The following PDE4D variants were observed in gnomAD, a reference collection of about 807,000 sequenced individuals.
PDE4D encodes 3',5'-cyclic-AMP phosphodiesterase 4D.
A neutral mutation model predicts 87.4 loss-of-function variants in PDE4D; 24 were observed. That is an observed-to-expected ratio of 0.27 (90% CI 0.20 to 0.39). PDE4D has a LOEUF of 0.39. Ranked by LOEUF, PDE4D falls within the 10% of genes least tolerant of loss-of-function variation. PDE4D has a pLI of 1.00. For missense variants in PDE4D, 714 were observed against 1,041.0 expected, an observed-to-expected ratio of 0.69 and a Z score of 4.32; for synonymous variants, 384 against 383.2, an observed-to-expected ratio of 1.00 and a Z score of -0.02.
chr5:59,867,008 A>G (rs1193698441), intron 1 of PDE4D, among the ~76,000 whole-genome samples: 1 of 152,214 alleles, frequency 6.6e-6, no homozygotes, highest in Non-Finnish European at 1.5e-5. Flanking sequence ...ATGAATTTAT[A>G]AAGTAGAAAG....
chr5:60,507,931 A>T (rs1452752257), intron 1 of PDE4D, among the ~76,000 whole-genome samples: 1 of 152,196 alleles, frequency 6.6e-6, no homozygotes, highest in African/African-American at 2.4e-5. Context: ...TTTCTGGAAC[A>T]TGAGCTCATT....
chr5:59,829,414 C>T (rs974232615), intron 1 of PDE4D, among the ~76,000 whole-genome samples: 2 of 151,660 alleles, frequency 1.3e-5, no homozygotes, highest in Non-Finnish European at 2.9e-5. Flanking sequence ...GAATTACTTC[C>T]TTACTCTCTT....
intron 1 of PDE4D, among the ~76,000 whole-genome samples, chr5:59,674,346 C>A (rs182736701): frequency 2.7e-4 from 41 of 152,294 alleles, no homozygotes; most frequent in Admixed American, 5.9e-4. Flanking sequence ...TCTGATGCAT[C>A]TTTTCATCTC....
intron 5 of PDE4D, among the ~76,000 whole-genome samples, chr5:59,094,563 A>G (rs1485976876): frequency 6.6e-6 from 1 of 152,120 alleles, no homozygotes; most frequent in Non-Finnish European, 1.5e-5. Flanking sequence ...GCAATGGATA[A>G]AAATGCAGAC....
rs1468454125 is a variant in PDE4D, at chr5:60,105,182, T to C, written c.42+80375A>G. Among the ~76,000 whole-genome samples, 2 of 152,162 alleles carry C rather than the reference T, an allele frequency of 1.3e-5. 1 individual carries two copies. Among genetic ancestry groups the C allele is most frequent in the Non-Finnish European group, 2.9e-5 (2 of 68,040 alleles). On this transcript the variant is annotated intron_variant, in intron 2 of 16. Transcript: ENST00000502484. ...AAGTCCTTAAAGGAGCTGATGGAGC[T>C]GAAAGCCAAGGCTTGAGAACTACGT... is the stretch of plus-strand genomic sequence containing the variant.
chr5:59,963,292 C>A (rs1199121319), intron 3 of PDE4D, among the ~76,000 whole-genome samples: 6 of 152,148 alleles, frequency 3.9e-5, no homozygotes. Flanking sequence ...TTTCCCTTTT[C>A]TTTCAGTAAC....
At chr5:60,053,786 T>G (rs1454794487) in intron 2 of PDE4D, among the ~76,000 whole-genome samples, 19 of 152,090 alleles carry the variant, frequency 1.2e-4, no homozygotes. Flanking sequence ...CATCTATCCA[T>G]CTGACAAAGG....
At chr5:60,479,746 C>A (rs369505318) in intron 1 of PDE4D, among the ~76,000 whole-genome samples, 1 of 152,134 alleles carries the variant, frequency 6.6e-6, no homozygotes, top group South Asian at 2.1e-4. Flanking sequence ...TACAATAAAA[C>A]TTTATTTACA....
At chr5:60,221,824 T>C (rs924901373) in intron 1 of PDE4D, among the ~76,000 whole-genome samples, 2 of 152,174 alleles carry the variant, frequency 1.3e-5, no homozygotes, top group Non-Finnish European at 2.9e-5. Context: ...GTGAATATAC[T>C]ACAGTTTGTT....
At chr5:60,474,291 T>C (rs1474982840) in intron 1 of PDE4D, among the ~76,000 whole-genome samples, 1 of 151,510 alleles carries the variant, frequency 6.6e-6, no homozygotes, top group African/African-American at 2.4e-5. Context: ...ACCTTCTATG[T>C]GTCCTCACAT....
At chr5:59,190,739 G>A (rs1232389042) in intron 3 of PDE4D, among the ~76,000 whole-genome samples, 13 of 152,130 alleles carry the variant, frequency 8.5e-5, no homozygotes, top group Non-Finnish European at 1.5e-5. Context: ...CAGGGTTTAA[G>A]AGAAGGCCAC....
At chr5:60,359,747 A>G (rs1759900129) in intron 1 of PDE4D, among the ~76,000 whole-genome samples, 2 of 152,130 alleles carry the variant, frequency 1.3e-5, no homozygotes, top group South Asian at 4.1e-4. Flanking sequence ...CTGTTGTTGC[A>G]CACTATCTGT....
chr5:60,005,571 T>G (rs567545595), intron 2 of PDE4D, among the ~76,000 whole-genome samples: 1 of 152,154 alleles, frequency 6.6e-6, no homozygotes, highest in South Asian at 2.1e-4. Context: ...CATTATACAA[T>G]GTATACCTAT....
chr5:59,091,766 T>C (rs1041534712), intron 5 of PDE4D, among the ~76,000 whole-genome samples: 2 of 152,078 alleles, frequency 1.3e-5, no homozygotes, highest in African/African-American at 4.8e-5. Context: ...AAACTTAAAA[T>C]TTAAATTTTA....
chr5:59,023,116 A>T (rs1224813873), intron 6 of PDE4D, among the ~76,000 whole-genome samples: 1 of 151,830 alleles, frequency 6.6e-6, no homozygotes, highest in Admixed American at 6.6e-5. Context: ...AGAAGGTTGC[A>T]GTGAGCCTAG....
At chr5:59,792,750 T>C (rs918686887) in intron 1 of PDE4D, among the ~76,000 whole-genome samples, 1 of 152,146 alleles carries the variant, frequency 6.6e-6, no homozygotes, top group Non-Finnish European at 1.5e-5. Context: ...TCATGTAAAC[T>C]AATTGACTGG....
chr5:59,497,129 C>T (rs1455066645), intron 1 of PDE4D, among the ~76,000 whole-genome samples: 2 of 152,124 alleles, frequency 1.3e-5, no homozygotes, highest in Non-Finnish European at 2.9e-5. Flanking sequence ...CACCCATACA[C>T]ATTTTACACC....
At chr5:60,061,930 G>T (rs963237917) in intron 2 of PDE4D, among the ~76,000 whole-genome samples, 3 of 152,106 alleles carry the variant, frequency 2.0e-5, no homozygotes, top group Admixed American at 6.5e-5. Flanking sequence ...ATGGATTAAA[G>T]ACTTAAATGT....
chr5:60,177,104 G>A (rs1363664001), intron 2 of PDE4D, among the ~76,000 whole-genome samples: 1 of 151,998 alleles, frequency 6.6e-6, no homozygotes, highest in Non-Finnish European at 1.5e-5. Flanking sequence ...TTATGTCCAG[G>A]ACTCAGTAAA....
Sources: allele counts gnomAD v4.1 joint callset (sites outside exome capture counted in the v4.1 genomes callset), GRCh38; gene constraint gnomAD v4.1.1; transcripts MANE v1.5; gene names NCBI Gene and HGNC (gene_info 2026-07-23, HGNC 2026-07-21).